Variants in FSTL4 observed in about 807,000 individuals in gnomAD.
The protein encoded by FSTL4 is follistatin-related protein 4.
In FSTL4, 28 loss-of-function variants were observed where a neutral mutation model predicts 78.2. The ratio of observed to expected loss-of-function variants is 0.36; its 90% CI spans 0.27 to 0.49. FSTL4 has a LOEUF of 0.49. FSTL4 is among the 20% of genes least tolerant of loss of function. The probability of loss-of-function intolerance (pLI) is 0.98; values close to 1 mark genes in which losing one functional copy is unlikely to be tolerated. For synonymous variants in FSTL4, 422 were observed against 440.5 expected (o/e 0.96, Z 0.53); for missense variants, 922 against 1,084.9 (o/e 0.85, Z 2.11).
chr5:133,622,503 C>T, the FSTL4 span, among the ~76,000 whole-genome samples: 3 of 152,096 alleles, frequency 2.0e-5, no homozygotes, highest in Non-Finnish European at 2.9e-5. Context: ...AATAAAAGAA[C>T]CAGCAAAATT....
chr5:133,522,145 G>T (rs1246830098), intron 3 of FSTL4, among the ~76,000 whole-genome samples: 1 of 152,136 alleles, frequency 6.6e-6, no homozygotes, highest in Non-Finnish European at 1.5e-5. Context: ...GGAGAGGCTT[G>T]AGTCTATGCA....
chr5:133,246,919 ATTAT>A (rs1208540553), intron 7 of FSTL4: 2 of 152,340 alleles, frequency 1.3e-5, no homozygotes, highest in East Asian at 3.9e-4. Context: ...GGCTGGTACC[ATTAT>A]TTATCCCCAT....
At chr5:133,439,436 C>T (rs1409754544) in intron 3 of FSTL4, among the ~76,000 whole-genome samples, 1 of 152,136 alleles carries the variant, frequency 6.6e-6, no homozygotes, top group Non-Finnish European at 1.5e-5. Context: ...CGATTGATAC[C>T]ACACATTAAA....
At chr5:133,635,845 A>T in the FSTL4 span, among the ~76,000 whole-genome samples, 2 of 151,840 alleles carry the variant, frequency 1.3e-5, no homozygotes, top group Non-Finnish European at 2.9e-5. Flanking sequence ...AAATATCATC[A>T]CTCCTTTCTC....
intron 2 of FSTL4, among the ~76,000 whole-genome samples, chr5:133,577,630 TG>T (rs1760312326): frequency 6.6e-5 from 10 of 152,056 alleles, no homozygotes; most frequent in Non-Finnish European, 1.2e-4. Flanking sequence ...GAAGACCAGA[TG>T]TGAAGGGGAG....
chr5:133,363,043 T>C (rs774672367), intron 4 of FSTL4, among the ~76,000 whole-genome samples: 11 of 152,228 alleles, frequency 7.2e-5, no homozygotes, highest in African/African-American at 2.7e-4. Flanking sequence ...TTCTGTTTTA[T>C]TGATTTCTCT....
chr5:133,432,938 G>A (rs967206093), intron 3 of FSTL4, among the ~76,000 whole-genome samples: 3 of 152,206 alleles, frequency 2.0e-5, no homozygotes, highest in Non-Finnish European at 4.4e-5. Context: ...TGCTATGTGT[G>A]GCATGGCCCA....
chr5:133,299,429 C>T (rs1006308949), intron 6 of FSTL4, among the ~76,000 whole-genome samples: 1 of 152,204 alleles, frequency 6.6e-6, no homozygotes, highest in Non-Finnish European at 1.5e-5. Context: ...TCTCTGCTTC[C>T]CCTTCACATG....
At chr5:133,540,123 C>G (rs1045426675) in intron 3 of FSTL4, among the ~76,000 whole-genome samples, 1 of 152,120 alleles carries the variant, frequency 6.6e-6, no homozygotes, top group African/African-American at 2.4e-5. Context: ...CCTTTAGATT[C>G]AAACTGCAAC....
At chr5:133,298,009 G>C (rs1011846555) in intron 6 of FSTL4, among the ~76,000 whole-genome samples, 2 of 152,248 alleles carry the variant, frequency 1.3e-5, no homozygotes, top group African/African-American at 4.8e-5. Flanking sequence ...AGATTGTCTA[G>C]AATGACTTGA....
At chr5:133,228,396 G>A (rs1285213937) in intron 8 of FSTL4, among the ~76,000 whole-genome samples, 1 of 152,108 alleles carries the variant, frequency 6.6e-6, no homozygotes, top group Non-Finnish European at 1.5e-5. Context: ...CTAGAGCATG[G>A]AACAGGGAAG....
At chr5:133,549,955 G>A (rs1228533626) in intron 3 of FSTL4, among the ~76,000 whole-genome samples, 1 of 152,154 alleles carries the variant, frequency 6.6e-6, no homozygotes, top group Non-Finnish European at 1.5e-5. Flanking sequence ...GTCTGTTGGG[G>A]TCTCAGCTTT....
At chr5:133,629,611 A>G in the FSTL4 span, among the ~76,000 whole-genome samples, 4 of 152,214 alleles carry the variant, frequency 2.6e-5, no homozygotes, top group Non-Finnish European at 4.4e-5. Context: ...ATTCCAAACA[A>G]TAGAAATAGA....
At chr5:133,641,686 G>T in the FSTL4 span, among the ~76,000 whole-genome samples, 8 of 152,104 alleles carry the variant, frequency 5.3e-5, no homozygotes, top group Admixed American at 5.2e-4. Context: ...GAAATTGTTT[G>T]AATTTGTACT....
At chr5:133,577,673 G>A (rs1323275812) in intron 2 of FSTL4, among the ~76,000 whole-genome samples, 1 of 152,184 alleles carries the variant, frequency 6.6e-6, no homozygotes, top group Non-Finnish European at 1.5e-5. Context: ...GGCAAAGAAT[G>A]TGCAAGTCTC....
chr5:133,812,130 C>T, the FSTL4 span, among the ~76,000 whole-genome samples: 1 of 152,226 alleles, frequency 6.6e-6, no homozygotes, highest in East Asian at 1.9e-4. Flanking sequence ...AGCCACTCCA[C>T]ACAGCTCTAC....
the FSTL4 span, among the ~76,000 whole-genome samples, chr5:133,741,634 C>G: frequency 6.6e-6 from 1 of 152,152 alleles, no homozygotes; most frequent in Non-Finnish European, 1.5e-5. Flanking sequence ...GCCAGAAAGC[C>G]CTAAGAGAAC....
At chr5:133,677,551 A>G in the FSTL4 span, among the ~76,000 whole-genome samples, 1 of 152,258 alleles carries the variant, frequency 6.6e-6, no homozygotes, top group Non-Finnish European at 1.5e-5. Context: ...GATAGTAAAA[A>G]TGTATCCTGC....
At chr5:133,655,966 G>A in the FSTL4 span, among the ~76,000 whole-genome samples, 1 of 152,154 alleles carries the variant, frequency 6.6e-6, no homozygotes, top group Non-Finnish European at 1.5e-5. Flanking sequence ...GTGGAATCAC[G>A]CTTTTACTCC....
Sources: gnomAD v4.1 joint callset for allele counts (sites outside exome capture counted in the v4.1 genomes callset) on GRCh38, gnomAD v4.1.1 for gene constraint, MANE v1.5 for transcripts, NCBI Gene and HGNC (gene_info 2026-07-23, HGNC 2026-07-21) for gene names.